MCC: variants seen among roughly 807,000 people sequenced by gnomAD.
MCC encodes colorectal mutant cancer protein.
Under a neutral mutation model 116.2 loss-of-function variants are expected in MCC, and 90 were observed. The ratio of observed to expected loss-of-function variants is 0.77; its 90% CI spans 0.65 to 0.92. The LOEUF (loss-of-function observed/expected upper bound fraction) is 0.92, where lower values mean the gene tolerates loss of function less well. Ranked by LOEUF, MCC falls within the 40% of genes least tolerant of loss-of-function variation. The probability of loss-of-function intolerance (pLI) is 0.00; values close to 1 mark genes in which losing one functional copy is unlikely to be tolerated. For synonymous variants in MCC, 578 were observed against 510.5 expected (o/e 1.13, Z -1.78); for missense variants, 1,516 against 1,312.2 (o/e 1.16, Z -2.40).
intron 1 of MCC, among the ~76,000 whole-genome samples, chr5:113,475,789 TA>T (rs1483178640): frequency 3.3e-5 from 5 of 152,194 alleles, no homozygotes; most frequent in African/African-American, 1.2e-4. Context: ...AGAGCTTTGG[TA>T]AATTAAAAAG....
chr5:113,362,177 T>C (rs947444850), intron 2 of MCC, among the ~76,000 whole-genome samples: 1 of 152,224 alleles, frequency 6.6e-6, no homozygotes, highest in Non-Finnish European at 1.5e-5. Context: ...TTATTTATTT[T>C]TGAAATGGAG....
intron 1 of MCC, among the ~76,000 whole-genome samples, chr5:113,458,214 C>CT (rs1371090428): frequency 6.6e-6 from 1 of 152,202 alleles, no homozygotes; most frequent in Non-Finnish European, 1.5e-5. Context: ...ACTGCTCACT[C>CT]TTTGGGTCCA....
chr5:113,126,381 T>C (rs1427690367), intron 5 of MCC, among the ~76,000 whole-genome samples: 3 of 152,224 alleles, frequency 2.0e-5, no homozygotes, highest in Non-Finnish European at 4.4e-5. Context: ...GCAACTTACC[T>C]AAGATTATGC....
chr5:113,431,276 A>C (rs1452061918), intron 1 of MCC, among the ~76,000 whole-genome samples: 1 of 152,154 alleles, frequency 6.6e-6, no homozygotes, highest in African/African-American at 2.4e-5. Context: ...GCTATGACAA[A>C]GTACCACAAA....
chr5:113,063,941 A>C (rs746870485), intron 14 of MCC, 43 bp downstream of exon 14: 2 of 1,571,060 alleles, frequency 1.3e-6, no homozygotes, highest in South Asian at 2.4e-5. Context: ...AACAGATGCC[A>C]TGTGGACACA....
chr5:113,109,826 G>GAAGA (rs1477405863), intron 6 of MCC, among the ~76,000 whole-genome samples: 1 of 152,162 alleles, frequency 6.6e-6, no homozygotes, highest in Non-Finnish European at 1.5e-5. Flanking sequence ...GCAAGAGAAG[G>GAAGA]AAGAAAGAGA....
chr5:113,120,216 C>G (rs1008391862), intron 6 of MCC, among the ~76,000 whole-genome samples: 11 of 152,114 alleles, frequency 7.2e-5, no homozygotes, highest in African/African-American at 2.7e-4. Flanking sequence ...ATTTATGATG[C>G]CCTTATGAAC....
At chr5:113,029,118 C>T in intron 17 of MCC, 62 bp from the exon 18 acceptor site, 2 of 1,501,902 alleles carry the variant, frequency 1.3e-6, no homozygotes, top group Admixed American at 2.0e-5. Context: ...GGTGCCCACT[C>T]CCTGGGAAGT....
Position 113,487,822 on chromosome 5 carries a change from T to G in MCC, c.170+423A>C, listed in dbSNP as rs946821557. ...AGCTCATCTCCTCCCGGTGCGGCCCTGGGGTGTCCACCAAGCCGCCGGGCA... is the reference window on the plus strand; with the variant it reads ...AGCTCATCTCCTCCCGGTGCGGCCCGGGGGTGTCCACCAAGCCGCCGGGCA... On this transcript the variant is annotated intron_variant, in intron 1 of 18. Coordinates refer to ENST00000408903, the MANE Select transcript of MCC (RefSeq NM_001085377.2). Among the ~76,000 whole-genome samples the G allele has an allele frequency of 1.9e-4, 29 of 152,328 alleles. 1 individual carries two copies. Among genetic ancestry groups the G allele is most frequent in the African/African-American group, 6.5e-4 (27 of 41,576 alleles).
At chr5:113,196,220 T>C (rs768401242) in intron 3 of MCC, among the ~76,000 whole-genome samples, 2 of 152,214 alleles carry the variant, frequency 1.3e-5, no homozygotes, top group African/African-American at 4.8e-5. Flanking sequence ...CAACACCTAG[T>C]GCTGGGTTTT....
Position 113,385,188 on chromosome 5 carries a change from G to C in MCC, c.195C>G (p.Arg65=). The change falls in exon 2 of 19, where the codon CGC becomes CGG. Residue 65 remains arginine (R), a synonymous_variant. Transcript: ENST00000408903. ...CCACAGACTCTTCCATATTCAGCTG[G>C]CGACAGACCATTAGCAAGTCATTTC... ...ISRNDLLMVC[R]QLNMEESVAE... The C allele has an allele frequency of 6.2e-7, 1 of 1,613,988 alleles. No homozygotes were observed. Among genetic ancestry groups the C allele is most frequent in the Non-Finnish European group, 8.5e-7 (1 of 1,179,984 alleles).
At chr5:113,433,769 G>A (rs755009083) in intron 1 of MCC, 1 of 1,613,826 alleles carries the variant, frequency 6.2e-7, no homozygotes, top group East Asian at 2.2e-5. Flanking sequence ...GCTGTTGGGG[G>A]GGCCCTTCCT....
At chr5:113,192,449 A>G (rs546720444) in intron 3 of MCC, among the ~76,000 whole-genome samples, 2 of 152,348 alleles carry the variant, frequency 1.3e-5, no homozygotes, top group Non-Finnish European at 2.9e-5. Context: ...TTAAAAAAGC[A>G]TATGCAGAAA....
chr5:113,486,247 A>T (rs954095449), intron 1 of MCC, among the ~76,000 whole-genome samples: 1 of 152,200 alleles, frequency 6.6e-6, no homozygotes, highest in Non-Finnish European at 1.5e-5. Context: ...ATTACTACAC[A>T]TACCTTGAAA....
intron 1 of MCC, among the ~76,000 whole-genome samples, chr5:113,443,019 T>C (rs565632255): frequency 1.3e-5 from 2 of 152,346 alleles, no homozygotes; most frequent in South Asian, 4.1e-4. Context: ...AAAGTAGTTT[T>C]TTCCAATTCT....
At chr5:113,104,763 G>A (rs181092107) in intron 6 of MCC, 2 of 158,588 alleles carry the variant, frequency 1.3e-5, no homozygotes, top group African/African-American at 4.8e-5. Flanking sequence ...AATGAGCAGA[G>A]ATGCTAGGTA....
chr5:113,392,626 C>T (rs190451048), intron 1 of MCC, among the ~76,000 whole-genome samples: 1 of 151,924 alleles, frequency 6.6e-6, no homozygotes, highest in Admixed American at 6.6e-5. Flanking sequence ...ATATCTGTAA[C>T]AGCAAAGAAT....
At chr5:113,126,802 G>A (rs1456286939) in intron 5 of MCC, among the ~76,000 whole-genome samples, 2 of 152,184 alleles carry the variant, frequency 1.3e-5, no homozygotes, top group South Asian at 2.1e-4. Flanking sequence ...TTTTTGGTGA[G>A]TCATGAGCTA....
At chr5:113,418,342 C>T (rs1049827284) in intron 1 of MCC, among the ~76,000 whole-genome samples, 4 of 90,136 alleles carry the variant, frequency 4.4e-5, no homozygotes, top group African/African-American at 2.2e-4. Flanking sequence ...AATTATATCT[C>T]AATTGAAATA....
Sources: allele counts gnomAD v4.1 joint callset (sites outside exome capture counted in the v4.1 genomes callset), GRCh38; gene constraint gnomAD v4.1.1; transcripts MANE v1.5; gene names NCBI Gene and HGNC (gene_info 2026-07-23, HGNC 2026-07-21).